The following PRKAR1B variants were observed in gnomAD, a reference collection of about 807,000 sequenced individuals.
PRKAR1B encodes protein kinase cAMP-dependent type I regulatory subunit beta.
Under a neutral mutation model 46.5 loss-of-function variants are expected in PRKAR1B, and 22 were observed. That is an observed-to-expected ratio of 0.47 (90% CI 0.34 to 0.68). PRKAR1B has a LOEUF of 0.68. Among genes scored for constraint, PRKAR1B ranks in the 30% least tolerant of loss-of-function variants. The probability of loss-of-function intolerance (pLI) is 0.01; values close to 1 mark genes in which losing one functional copy is unlikely to be tolerated. For synonymous variants in PRKAR1B, 259 were observed against 217.7 expected, an observed-to-expected ratio of 1.19 and a Z score of -1.67; for missense variants, 445 against 535.6, an observed-to-expected ratio of 0.83 and a Z score of 1.67.
intron 6 of PRKAR1B, among the ~76,000 whole-genome samples, chr7:604,200 C>T (rs966533147): frequency 2.0e-5 from 3 of 152,216 alleles, no homozygotes; most frequent in Non-Finnish European, 2.9e-5. Context: ...AGACGATGCC[C>T]GGCTGGGATG....
intron 9 of PRKAR1B, among the ~76,000 whole-genome samples, chr7:574,182 T>A (rs998937602): frequency 6.6e-6 from 1 of 152,228 alleles, no homozygotes; most frequent in Non-Finnish European, 1.5e-5. Context: ...CAGTGAATAA[T>A]GGGTGATTGT....
intron 1 of PRKAR1B, among the ~76,000 whole-genome samples, chr7:711,917 G>A (rs1399662876): frequency 6.6e-6 from 1 of 152,066 alleles, no homozygotes; most frequent in African/African-American, 2.4e-5. Flanking sequence ...CTTTTTGGGG[G>A]CACTTATGTG....
intron 6 of PRKAR1B, among the ~76,000 whole-genome samples, chr7:601,403 C>T (rs577304321): frequency 1.3e-5 from 2 of 152,352 alleles, no homozygotes; most frequent in South Asian, 4.1e-4. Context: ...GCCGTTCCCC[C>T]GGGTGCTGTA....
intron 4 of PRKAR1B, among the ~76,000 whole-genome samples, chr7:643,826 A>G (rs1784504363): frequency 6.6e-6 from 1 of 152,158 alleles, no homozygotes; most frequent in African/African-American, 2.4e-5. Flanking sequence ...AGGGAGCTCA[A>G]GCCCCCGTGA....
chr7:662,691 G>A (rs1785677895), intron 4 of PRKAR1B, among the ~76,000 whole-genome samples: 1 of 150,944 alleles, frequency 6.6e-6, no homozygotes. Flanking sequence ...TCCCCTCAGT[G>A]GCACAGGTCC....
In PRKAR1B at chr7:560,522, C is replaced by A. The variant is rs891770249; in HGVS notation, c.892-9052G>T. Reference sequence around the variant, plus strand: ...CAACACACGAGCTTAACCCAGGCTTCCCCCTGACCTGGCCAGGAACAAATG... The same window carrying A: ...CAACACACGAGCTTAACCCAGGCTTACCCCTGACCTGGCCAGGAACAAATG... On this transcript the variant is annotated intron_variant, in intron 9 of 10. Transcript: ENST00000537384. This position sits in a 1 kb window ranked among gnomAD's most constrained non-coding sequence, Gnocchi z 4.2. 6.6e-6 allele frequency among the ~76,000 whole-genome samples: 1 copy of A among 152,150 alleles called. No individual in the cohort carries two copies. Among genetic ancestry groups the A allele is most frequent in the Admixed American group, 6.5e-5 (1 of 15,280 alleles).
Position 629,360 on chromosome 7 carries a change from C to A in PRKAR1B, c.441-21908G>T, listed in dbSNP as rs1489871299. ...CTCCGAAGGCACCACCACCCCAAGGCTGGAAAATGCTGCAGAAGCGGGACC... is the reference window on the plus strand; with the variant it reads ...CTCCGAAGGCACCACCACCCCAAGGATGGAAAATGCTGCAGAAGCGGGACC... On this transcript the variant is annotated intron_variant, in intron 4 of 10. Transcript: ENST00000537384. 3.5e-4 allele frequency among the ~76,000 whole-genome samples: 51 copies of A among 144,924 alleles called. 3 individuals are homozygous for A.
At chr7:551,279 T>C in intron 10 of PRKAR1B, 110 bp downstream of exon 10, 1 of 1,050,172 alleles carries the variant, frequency 9.5e-7, no homozygotes, top group Non-Finnish European at 1.4e-6. Context: ...CAAGCCCCAC[T>C]ACAAGGCCCC....
At chr7:657,073 A>G (rs1218313367) in intron 4 of PRKAR1B, among the ~76,000 whole-genome samples, 3 of 151,844 alleles carry the variant, frequency 2.0e-5, no homozygotes, top group Non-Finnish European at 4.4e-5. Flanking sequence ...GAATGCATGG[A>G]TGGGTGAATG....
At chr7:726,467 C>G (rs942389715) in intron 1 of PRKAR1B, 3 of 354,148 alleles carry the variant, frequency 8.5e-6, no homozygotes, top group Non-Finnish European at 1.5e-5. Flanking sequence ...GCATCCCGGG[C>G]GAGCTGCACC....
chr7:590,713 A>C (rs1583261158), intron 7 of PRKAR1B, among the ~76,000 whole-genome samples: 1 of 152,106 alleles, frequency 6.6e-6, no homozygotes, highest in East Asian at 1.9e-4. Flanking sequence ...AGCCCTCCCC[A>C]AGGTCCCCTC....
chr7:715,773 T>C (rs1433715264), intron 1 of PRKAR1B, among the ~76,000 whole-genome samples: 6 of 152,062 alleles, frequency 3.9e-5, no homozygotes, highest in Non-Finnish European at 5.9e-5. Context: ...TGCAGTGCAG[T>C]GGCGTGATCT....
intron 4 of PRKAR1B, among the ~76,000 whole-genome samples, chr7:647,749 G>A (rs1279218741): frequency 1.4e-5 from 2 of 145,594 alleles, no homozygotes; most frequent in Admixed American, 1.4e-4. Context: ...AGAGCCTGCA[G>A]TGAGCCGAGA....
intron 6 of PRKAR1B, among the ~76,000 whole-genome samples, chr7:600,388 C>A (rs1048832473): frequency 6.6e-6 from 1 of 152,078 alleles, no homozygotes; most frequent in East Asian, 1.9e-4. Context: ...AGTGGTAGTC[C>A]CAGCTTCTCG....
At chr7:635,789 G>A (rs1179755031) in intron 4 of PRKAR1B, among the ~76,000 whole-genome samples, 1 of 152,078 alleles carries the variant, frequency 6.6e-6, no homozygotes, top group East Asian at 1.9e-4. Context: ...AGCTTTGGAG[G>A]CAGGAGTTGG....
intron 4 of PRKAR1B, among the ~76,000 whole-genome samples, chr7:619,205 C>T (rs912697068): frequency 1.3e-5 from 2 of 151,992 alleles, no homozygotes; most frequent in African/African-American, 2.4e-5. Context: ...GGAGGCAACA[C>T]GGCACCTACA....
At chr7:571,633 G>A (rs938557955) in intron 9 of PRKAR1B, among the ~76,000 whole-genome samples, 6 of 152,216 alleles carry the variant, frequency 3.9e-5, no homozygotes, top group Admixed American at 6.5e-5. Flanking sequence ...GGGGAATTTC[G>A]GTCTCGGGAT....
chr7:718,857 T>C (rs1780974324), intron 1 of PRKAR1B, among the ~76,000 whole-genome samples: 1 of 146,398 alleles, frequency 6.8e-6, no homozygotes, highest in African/African-American at 2.5e-5. Flanking sequence ...TCATCTCTTT[T>C]ATAGGCTTTT....
chr7:641,403 A>G (rs1358201537), intron 4 of PRKAR1B, among the ~76,000 whole-genome samples: 1 of 152,222 alleles, frequency 6.6e-6, no homozygotes. Flanking sequence ...AAAACAACAC[A>G]AATGATGCCG....
Sources: allele counts gnomAD v4.1 joint callset (sites outside exome capture counted in the v4.1 genomes callset), GRCh38; gene constraint gnomAD v4.1.1; non-coding constraint Gnocchi (gnomAD v3.1); transcripts MANE v1.5; gene names NCBI Gene and HGNC (gene_info 2026-07-23, HGNC 2026-07-21).